PIEZO2: variants seen among roughly 807,000 people sequenced by gnomAD.
PIEZO2 encodes the protein piezo type mechanosensitive ion channel component 2.
A neutral mutation model predicts 337.3 loss-of-function variants in PIEZO2; 172 were observed. The ratio of observed to expected loss-of-function variants is 0.51; its 90% CI spans 0.45 to 0.58. The LOEUF (loss-of-function observed/expected upper bound fraction) is 0.58, where lower values mean the gene tolerates loss of function less well. PIEZO2 is among the 20% of genes least tolerant of loss of function. The probability of loss-of-function intolerance (pLI) is 0.00; values close to 1 mark genes in which losing one functional copy is unlikely to be tolerated. For synonymous variants in PIEZO2, 1,251 were observed against 1,228.5 expected, an observed-to-expected ratio of 1.02 and a Z score of -0.38; for missense variants, 3,028 against 3,391.3, an observed-to-expected ratio of 0.89 and a Z score of 2.66.
intron 4 of PIEZO2, chr18:10,908,274 T>C (rs551054365): frequency 6.6e-6 from 1 of 152,358 alleles, no homozygotes; most frequent in South Asian, 2.1e-4. Context: ...GTCTTTGCTT[T>C]TTTTATTCTT....
At chr18:11,117,989 T>C (rs1051987048) in intron 1 of PIEZO2, among the ~76,000 whole-genome samples, 1 of 152,250 alleles carries the variant, frequency 6.6e-6, no homozygotes, top group African/African-American at 2.4e-5. Context: ...TTTCTGTTTA[T>C]GTACTAGTTG....
At position 10,696,267 on chromosome 18, in the gene PIEZO2, T is replaced by C; in HGVS notation, c.6997A>G (p.Ile2333Val). 1.9e-6 allele frequency: 3 copies of C among 1,614,182 alleles called. No homozygotes were observed. Among genetic ancestry groups the C allele is most frequent in the Non-Finnish European group, 2.5e-6 (3 of 1,179,996 alleles). The change falls in exon 47 of 56, where the codon ATC (isoleucine) becomes GTC (valine). Residue 2333 changes from isoleucine to valine, a missense_variant. Transcript: ENST00000674853. ...TGGTCCTCTGACAGTGAAGAGGTGA[T>C]GTCTGCAGCTGCTGAGTGTTTCTGG... The part of the protein sequence containing the change: ...AFGKHSAAAD[I>V]TSSLSEDQVP...
chr18:10,675,870 G>A (rs760964974), intron 53 of PIEZO2, among the ~76,000 whole-genome samples: 1 of 152,142 alleles, frequency 6.6e-6, no homozygotes, highest in Non-Finnish European at 1.5e-5. Context: ...ATAAAGGGCA[G>A]TTCCCCTGCA....
At chr18:10,826,236 T>C (rs2040673483) in intron 7 of PIEZO2, among the ~76,000 whole-genome samples, 1 of 152,176 alleles carries the variant, frequency 6.6e-6, no homozygotes, top group Non-Finnish European at 1.5e-5. Flanking sequence ...CCCTCTCACC[T>C]GAAAGAACAA....
chr18:10,768,751 T>C (rs757902903), intron 21 of PIEZO2, among the ~76,000 whole-genome samples: 1 of 152,244 alleles, frequency 6.6e-6, no homozygotes, highest in African/African-American at 2.4e-5. Context: ...TTCTGTTTAC[T>C]TGATGGTCTG....
chr18:11,092,142 C>A lies in PIEZO2; in HGVS notation c.65-25920G>T, dbSNP rs1371830357. Among the ~76,000 whole-genome samples, 3 of 152,182 alleles carry A rather than the reference C, an allele frequency of 2.0e-5. No homozygotes were observed. The highest frequency in any genetic ancestry group is 4.4e-5 in the Non-Finnish European group (3 of 68,040). The stretch of plus-strand genomic sequence containing the variant: ...CTGCTACCTGACTATAGAAAGAGAT[C>A]TCAGGACAGAGATTAATGGAGCATA... On this transcript the variant is annotated intron_variant, in intron 1 of 55. Transcript: ENST00000674853. The surrounding 1 kb of genome is among the most constrained non-coding windows in gnomAD (Gnocchi z 4.5).
In PIEZO2 at chr18:11,027,152, G is replaced by A. The variant is rs2036571741; in HGVS notation, c.160+38975C>T. Among the ~76,000 whole-genome samples, 1 of 152,204 alleles carries A rather than the reference G, an allele frequency of 6.6e-6. No homozygotes were observed. The highest frequency in any genetic ancestry group is 6.5e-5 in the Admixed American group (1 of 15,274). ...CAGCGATTTGGACAAACTAAAGTAG[G>A]AGCCAGAATTCAAGGGGCTTGGGGA... is the stretch of plus-strand genomic sequence containing the variant. On this transcript the variant is annotated intron_variant, in intron 2 of 55. Transcript: ENST00000674853. This position sits in a 1 kb window ranked among gnomAD's most constrained non-coding sequence, Gnocchi z 4.2.
chr18:10,728,319 G>A (rs2036622104), intron 36 of PIEZO2: 3 of 152,352 alleles, frequency 2.0e-5, no homozygotes, highest in African/African-American at 4.8e-5. Flanking sequence ...AGTAAAAACA[G>A]GCACACTCTA....
intron 7 of PIEZO2, among the ~76,000 whole-genome samples, chr18:10,814,207 G>A (rs1334095633): frequency 6.6e-6 from 1 of 152,004 alleles, no homozygotes; most frequent in African/African-American, 2.4e-5. Flanking sequence ...CTGACCTCAT[G>A]ATCTGCCCGC....
intron 2 of PIEZO2, among the ~76,000 whole-genome samples, chr18:11,055,534 G>A (rs144034955): frequency 0.015 from 2,278 of 152,348 alleles, 74 homozygotes; most frequent in Admixed American, 0.078. Context: ...CTGGGGAAGA[G>A]AATTCCAGGC....
intron 2 of PIEZO2, among the ~76,000 whole-genome samples, chr18:11,024,173 G>A (rs980015970): frequency 5.9e-5 from 9 of 152,208 alleles, no homozygotes; most frequent in Non-Finnish European, 1.3e-4. Flanking sequence ...GAAAGCGAGC[G>A]AGGGTGCACA....
chr18:10,739,341 TG>T (rs2037128108), intron 33 of PIEZO2: 1 of 152,176 alleles, frequency 6.6e-6, no homozygotes, highest in Non-Finnish European at 1.5e-5. Flanking sequence ...GAGGGTGAAA[TG>T]AACCAGAAAA....
intron 7 of PIEZO2, among the ~76,000 whole-genome samples, chr18:10,844,682 G>A (rs1440150511): frequency 2.0e-5 from 3 of 151,254 alleles, no homozygotes; most frequent in East Asian, 2.0e-4. Flanking sequence ...CCAGCTACTC[G>A]GGAGGCTGAG....
rs1028401390 is a variant in PIEZO2, at chr18:10,794,160, A to C, written c.1758+612T>G. Among the ~76,000 whole-genome samples, 2 of 152,218 alleles carry C rather than the reference A, an allele frequency of 1.3e-5. No individual in the cohort carries two copies. The highest frequency in any genetic ancestry group is 6.5e-5 in the Admixed American group (1 of 15,280). On this transcript the variant is annotated intron_variant, in intron 13 of 55. Coordinates refer to ENST00000674853, the MANE Select transcript of PIEZO2 (RefSeq NM_001378183.1). The surrounding 1 kb of genome is among the most constrained non-coding windows in gnomAD (Gnocchi z 6.6). ...TAGTCTGCCATTCTGTTAACAAAAC[A>C]AACAGTAAGTTGGGAAACCTAATCT...
Position 11,112,172 on chromosome 18 carries a change from T to C in PIEZO2, c.64+36353A>G, listed in dbSNP as rs889480635. ...ATACTCATATTTATGTATGTATTTC[T>C]AATTTAAGTAATCCTCTAGGTATTT... is the stretch of plus-strand genomic sequence containing the variant. On this transcript the variant is annotated intron_variant, in intron 1 of 55. Coordinates refer to ENST00000674853, the MANE Select transcript of PIEZO2 (RefSeq NM_001378183.1). The surrounding 1 kb of genome is among the most constrained non-coding windows in gnomAD (Gnocchi z 4.3). Among the ~76,000 whole-genome samples, 1 of 152,246 alleles carries C rather than the reference T, an allele frequency of 6.6e-6. No homozygotes were observed. Among genetic ancestry groups the C allele is most frequent in the Non-Finnish European group, 1.5e-5 (1 of 68,040 alleles).
chr18:10,808,223 G>A (rs766430615), intron 7 of PIEZO2, among the ~76,000 whole-genome samples: 21 of 152,130 alleles, frequency 1.4e-4, no homozygotes, highest in Non-Finnish European at 2.2e-4. Flanking sequence ...CAAGTCGCTA[G>A]GAACACAAGG....
At chr18:10,999,565 T>C (rs1295518694) in intron 2 of PIEZO2, among the ~76,000 whole-genome samples, 6 of 152,120 alleles carry the variant, frequency 3.9e-5, no homozygotes, top group Non-Finnish European at 8.8e-5. Context: ...ATTTAAAACA[T>C]ATGGGAGAAC....
intron 36 of PIEZO2, chr18:10,725,181 T>C (rs1187973048): frequency 1.3e-6 from 2 of 1,535,050 alleles, no homozygotes; most frequent in South Asian, 1.1e-5. Flanking sequence ...AGTTCATCCA[T>C]CAGGCAGTTG....
intron 7 of PIEZO2, among the ~76,000 whole-genome samples, chr18:10,823,347 C>T (rs375437907): frequency 4.7e-4 from 71 of 152,176 alleles, no homozygotes; most frequent in Middle Eastern, 3.4e-3. Context: ...AACAACCTGC[C>T]GCTTCTCTTT....
Sources: allele counts gnomAD v4.1 joint callset (sites outside exome capture counted in the v4.1 genomes callset), GRCh38; gene constraint gnomAD v4.1.1; non-coding constraint Gnocchi (gnomAD v3.1); transcripts MANE v1.5; gene names NCBI Gene and HGNC (gene_info 2026-07-23, HGNC 2026-07-21).